Variants in CTNNA2 observed in about 807,000 individuals in gnomAD.
The protein encoded by CTNNA2 is catenin alpha 2.
A neutral mutation model predicts 101.0 loss-of-function variants in CTNNA2; 42 were observed. That is an observed-to-expected ratio of 0.42 (90% CI 0.32 to 0.54). The LOEUF (loss-of-function observed/expected upper bound fraction) is 0.54, where lower values mean the gene tolerates loss of function less well. Ranked by LOEUF, CTNNA2 falls within the 20% of genes least tolerant of loss-of-function variation. The pLI, the probability that CTNNA2 is intolerant of heterozygous loss-of-function variation, is 0.14. For missense variants in CTNNA2, 871 were observed against 1,223.1 expected, an observed-to-expected ratio of 0.71 and a Z score of 4.29; for synonymous variants, 450 against 456.4, an observed-to-expected ratio of 0.99 and a Z score of 0.18.
chr2:79,447,108 G>C (rs1678841591), intron 4 of CTNNA2, among the ~76,000 whole-genome samples: 1 of 151,964 alleles, frequency 6.6e-6, no homozygotes, highest in African/African-American at 2.4e-5. Context: ...AAAAAGTGTT[G>C]ACAAGGAGTT....
At chr2:79,304,346 G>T (rs1676183005) in intron 2 of CTNNA2, among the ~76,000 whole-genome samples, 1 of 152,170 alleles carries the variant, frequency 6.6e-6, no homozygotes, top group South Asian at 2.1e-4. Context: ...AAAGAAACTG[G>T]TGTATCCATC....
rs573917427 is a variant in CTNNA2 at position 79,316,312 on chromosome 2, C to T, written c.-318+3516C>T. 5.3e-5 allele frequency among the ~76,000 whole-genome samples: 8 copies of T among 152,122 alleles called. No homozygotes were observed. The East Asian group carries it at 1.2e-3, about 22-fold the overall frequency. On this transcript the variant is annotated intron_variant, in intron 3 of 21. Transcript: ENST00000466387. Reference sequence around the variant, plus strand: ...TTCTGTTTCAATGATCTTTGTGTCTCTTCTTATGCCTGTACCACACTACTT... The same window carrying T: ...TTCTGTTTCAATGATCTTTGTGTCTTTTCTTATGCCTGTACCACACTACTT...
intron 4 of CTNNA2, among the ~76,000 whole-genome samples, chr2:79,390,518 A>C (rs1678160194): frequency 6.6e-6 from 1 of 152,150 alleles, no homozygotes; most frequent in African/African-American, 2.4e-5. Context: ...TTTCCACCTT[A>C]AGCCACAGTA....
intron 3 of CTNNA2, among the ~76,000 whole-genome samples, chr2:79,332,634 A>G (rs1676900697): frequency 1.3e-5 from 2 of 152,232 alleles, no homozygotes; most frequent in African/African-American, 2.4e-5. Flanking sequence ...AAAAATGGTC[A>G]GCAATCCTAC....
At chr2:79,601,834 A>C (rs1159019548) in intron 1 of CTNNA2, among the ~76,000 whole-genome samples, 1 of 152,226 alleles carries the variant, frequency 6.6e-6, no homozygotes, top group Non-Finnish European at 1.5e-5. Flanking sequence ...TCCCTGACCT[A>C]TGTCCCCACC....
intron 2 of CTNNA2, among the ~76,000 whole-genome samples, chr2:79,221,003 A>T (rs1203169866): frequency 6.6e-6 from 1 of 152,184 alleles, no homozygotes; most frequent in Non-Finnish European, 1.5e-5. Flanking sequence ...GTGTTGGGAG[A>T]CTTTGTTAAC....
At chr2:79,592,230 C>G (rs1285496715) in intron 1 of CTNNA2, among the ~76,000 whole-genome samples, 1 of 151,862 alleles carries the variant, frequency 6.6e-6, no homozygotes, top group East Asian at 1.9e-4. Context: ...AGGCGATTCT[C>G]CTGTCTCAGC....
intron 1 of CTNNA2, among the ~76,000 whole-genome samples, chr2:79,608,366 T>C (rs1186932834): frequency 6.6e-6 from 1 of 152,096 alleles, no homozygotes; most frequent in East Asian, 1.9e-4. Flanking sequence ...TATACAATTA[T>C]CTTACAGAAT....
At chr2:79,935,025 A>G (rs1488468821) in intron 7 of CTNNA2, among the ~76,000 whole-genome samples, 1 of 152,112 alleles carries the variant, frequency 6.6e-6, no homozygotes, top group Non-Finnish European at 1.5e-5. Flanking sequence ...TATTTTTTTG[A>G]TGTTTGCCAG....
At chr2:80,533,984 T>C (rs1232678680) in intron 9 of CTNNA2, among the ~76,000 whole-genome samples, 1 of 152,178 alleles carries the variant, frequency 6.6e-6, no homozygotes, top group African/African-American at 2.4e-5. Context: ...TTTTTATATA[T>C]GAAGGGCATA....
Position 79,894,053 on chromosome 2 carries a change from CTTCTTCT to C in CTNNA2, c.853-15539_853-15533del, listed in dbSNP as rs1558619652. Among the ~76,000 whole-genome samples the C allele has an allele frequency of 2.4e-3, 291 of 119,234 alleles. 1 individual carries two copies. Among genetic ancestry groups the C allele is most frequent in the African/African-American group, 7.8e-3 (258 of 33,202 alleles). 78.2% of individuals were successfully genotyped at this position (119,234 alleles called of 152,430 possible). On this transcript the variant is annotated intron_variant, in intron 6 of 18. Transcript: ENST00000402739. ...TCTTCTTCTTCTTCTTCTTCTTCTT[CTTCTTCT>C]TCTTCCTCCTCCTCCTCCTCCTTCT...
rs573248642 is a variant in CTNNA2 at position 79,382,678 on chromosome 2, A to G, written c.-135+8665A>G. Among the ~76,000 whole-genome samples, 10 of 152,248 alleles carry G rather than the reference A, an allele frequency of 6.6e-5. No individual in the cohort carries two copies. The South Asian group carries it at 1.9e-3, about 28-fold the overall frequency. ...GCCCAGGCTGGAGTGCAGTGGCACA[A>G]TCTCGGCTCCCTGCAAGCTCTGCCT... On this transcript the variant is annotated intron_variant, in intron 4 of 21. Transcript: ENST00000466387.
At chr2:79,777,893 T>G (rs922168664) in intron 3 of CTNNA2, among the ~76,000 whole-genome samples, 56 of 72,310 alleles carry the variant, frequency 7.7e-4, no homozygotes, top group South Asian at 1.4e-3. Flanking sequence ...TTGCATGGGG[T>G]TTTTTTTTTT....
chr2:79,281,930 A>C (rs972257820), intron 2 of CTNNA2, among the ~76,000 whole-genome samples: 1 of 152,316 alleles, frequency 6.6e-6, no homozygotes, highest in Non-Finnish European at 1.5e-5. Flanking sequence ...AAATTTTTAC[A>C]TGAATATTTC....
chr2:80,391,536 T>C lies in CTNNA2; in HGVS notation c.1057-1675T>C, dbSNP rs187006504. ...TAAATGAATAGGCCACAGGAAATTA[T>C]GATTTTCAGAAGGATCATGGTCCAG... On this transcript the variant is annotated intron_variant, in intron 7 of 18. Coordinates refer to ENST00000402739, the MANE Select transcript of CTNNA2 (RefSeq NM_001282597.3). Among the ~76,000 whole-genome samples the C allele has an allele frequency of 2.5e-3, 382 of 152,332 alleles. 5 individuals are homozygous for C. Among genetic ancestry groups the C allele is most frequent in the African/African-American group, 8.7e-3 (361 of 41,572 alleles).
At chr2:79,340,849 A>G (rs539593915) in intron 3 of CTNNA2, among the ~76,000 whole-genome samples, 2 of 149,410 alleles carry the variant, frequency 1.3e-5, no homozygotes, top group Admixed American at 6.7e-5. Flanking sequence ...AAAAAAAAAA[A>G]AAAAAGAAAA....
At chr2:80,354,347 G>C (rs143718777) in intron 7 of CTNNA2, among the ~76,000 whole-genome samples, 204 of 152,194 alleles carry the variant, frequency 1.3e-3, no homozygotes, top group Non-Finnish European at 2.3e-3. Flanking sequence ...TATGATAAAG[G>C]TGCTTGATTT....
At chr2:80,147,303 T>C (rs1180843080) in intron 7 of CTNNA2, among the ~76,000 whole-genome samples, 1 of 152,094 alleles carries the variant, frequency 6.6e-6, no homozygotes, top group Non-Finnish European at 1.5e-5. Context: ...GGTTTCACCA[T>C]GTTAGCCAGG....
rs532704042 is a variant in CTNNA2 at position 80,134,620 on chromosome 2, A to G, written c.1056+224823A>G. 2.6e-5 allele frequency among the ~76,000 whole-genome samples: 4 copies of G among 152,270 alleles called. No individual in the cohort carries two copies. The South Asian group carries it at 8.3e-4, about 32-fold the overall frequency. ...ACACTGATGACTGGGTGCCTGCGCC[A>G]TGCCATTCATGAGGCCAGCTTTGTC... On this transcript the variant is annotated intron_variant, in intron 7 of 18. Transcript: ENST00000402739.
Sources: gnomAD v4.1 joint callset for allele counts (sites outside exome capture counted in the v4.1 genomes callset) on GRCh38, gnomAD v4.1.1 for gene constraint, MANE v1.5 for transcripts, NCBI Gene and HGNC (gene_info 2026-07-23, HGNC 2026-07-21) for gene names.